SPTBN1: variants seen among roughly 807,000 people sequenced by gnomAD.
SPTBN1 encodes the protein spectrin beta, non-erythrocytic 1.
In SPTBN1, 32 loss-of-function variants were observed where a neutral mutation model predicts 266.4. That is an observed-to-expected ratio of 0.12 (90% confidence interval 0.09 to 0.16). The LOEUF is 0.16. Among genes scored for constraint, SPTBN1 ranks in the 10% least tolerant of loss-of-function variants. The pLI, the probability that SPTBN1 is intolerant of heterozygous loss-of-function variation, is 1.00. For missense variants in SPTBN1, 2,296 were observed against 3,067.1 expected (o/e 0.75, Z 5.94); for synonymous variants, 1,336 against 1,162.2 (o/e 1.15, Z -3.04).
intron 1 of SPTBN1, among the ~76,000 whole-genome samples, chr2:54,465,476 A>T (rs967509863): frequency 6.6e-6 from 1 of 152,138 alleles, no homozygotes; most frequent in Non-Finnish European, 1.5e-5. Flanking sequence ...TCAGATTTAG[A>T]TTTACTTTCA....
At chr2:54,495,948 C>G (rs1668947035) in intron 1 of SPTBN1, among the ~76,000 whole-genome samples, 1 of 151,988 alleles carries the variant, frequency 6.6e-6, no homozygotes, top group African/African-American at 2.4e-5. Context: ...GAAAAATAGC[C>G]TTGGTCTAGT....
intron 2 of SPTBN1, among the ~76,000 whole-genome samples, chr2:54,562,967 A>G (rs973327270): frequency 5.3e-5 from 8 of 152,244 alleles, no homozygotes; most frequent in East Asian, 1.9e-4. Context: ...AGTGCTTACC[A>G]TGTACCAGTC....
At chr2:54,486,222 C>T (rs1178353607) in intron 1 of SPTBN1, among the ~76,000 whole-genome samples, 1 of 151,978 alleles carries the variant, frequency 6.6e-6, no homozygotes, top group Non-Finnish European at 1.5e-5. Context: ...GGGAGGTGTA[C>T]CCAACAGCTC....
chr2:54,653,533 A>G lies in SPTBN1; in HGVS notation c.5578-76A>G, dbSNP rs1410915597. 1 of 1,569,556 alleles carries G rather than the reference A, an allele frequency of 6.4e-7. No individual in the cohort carries two copies. Among genetic ancestry groups the G allele is most frequent in the Non-Finnish European group, 8.6e-7 (1 of 1,166,018 alleles). On this transcript the variant is annotated intron_variant, in intron 26 of 35. Transcript: ENST00000356805. The surrounding 1 kb of genome is among the most constrained non-coding windows in gnomAD (Gnocchi z 5.1). The stretch of plus-strand genomic sequence containing the variant: ...TGTGCTCCCTTTAGTGTATGAGCAG[A>G]ACAGAATAGGGCTTGGGGTGATGGT...
Position 54,558,366 on chromosome 2 carries a change from C to T in SPTBN1, c.148+31800C>T, listed in dbSNP as rs1276160399. 3 of 999,590 alleles carry T rather than the reference C, an allele frequency of 3.0e-6. No individual in the cohort carries two copies. The highest frequency in any genetic ancestry group is 4.4e-5 in the South Asian group (1 of 22,834). The allele number at this position is 999,590 out of a possible 1,614,324, so 61.9% of individuals were successfully genotyped here. On this transcript the variant is annotated intron_variant, in intron 2 of 35. Transcript: ENST00000356805. This position sits in a 1 kb window ranked among gnomAD's most constrained non-coding sequence, Gnocchi z 4.6. ...AGTGGCTCCTGATAAAATTACAAACCGGCGGCCGCCGCGGGCAGCTGGGAG... is the reference window on the plus strand; with the variant it reads ...AGTGGCTCCTGATAAAATTACAAACTGGCGGCCGCCGCGGGCAGCTGGGAG...
intron 2 of SPTBN1, among the ~76,000 whole-genome samples, chr2:54,573,998 G>A (rs758618311): frequency 5.3e-5 from 8 of 152,062 alleles, no homozygotes; most frequent in East Asian, 1.9e-4. Flanking sequence ...CATGAACCCC[G>A]TATGGAAAAT....
At chr2:54,569,978 C>CCA (rs1673944247) in intron 2 of SPTBN1, among the ~76,000 whole-genome samples, 2 of 149,520 alleles carry the variant, frequency 1.3e-5, no homozygotes, top group African/African-American at 4.9e-5. Context: ...CATTCCCCCC[C>CCA]CCCTTTAGAA....
rs746230487 is a variant in SPTBN1, at chr2:54,625,927, T to G, written c.1342-5T>G. The G allele has an allele frequency of 1.9e-6, 3 of 1,611,868 alleles. No individual in the cohort carries two copies. In the East Asian group the frequency reaches 6.7e-5, roughly 36 times the overall value. ...TTTCCTTCTTTTCATTCCGTTTCTC[T>G]GTAGGACAACTTTGGGTTTGACCTT... On this transcript the variant is annotated splice_region_variant and splice_polypyrimidine_tract_variant and intron_variant, in intron 11 of 35. Transcript: ENST00000356805.
chr2:54,463,485 T>G (rs1027152202), intron 1 of SPTBN1, among the ~76,000 whole-genome samples: 1 of 152,222 alleles, frequency 6.6e-6, no homozygotes, highest in African/African-American at 2.4e-5. Flanking sequence ...GCCCCAGGCT[T>G]CAGGCTCTTT....
chr2:54,611,639 TCTTTA>T (rs1677222990), intron 3 of SPTBN1, among the ~76,000 whole-genome samples: 1 of 152,216 alleles, frequency 6.6e-6, no homozygotes, highest in African/African-American at 2.4e-5. Flanking sequence ...AAGTTATACT[TCTTTA>T]CTTAACCTTC....
intron 2 of SPTBN1, among the ~76,000 whole-genome samples, chr2:54,595,830 T>G (rs918573044): frequency 2.6e-5 from 4 of 152,208 alleles, no homozygotes; most frequent in African/African-American, 9.6e-5. Context: ...AGCAGCATCC[T>G]GGGCCTCTAC....
At position 54,524,284 on chromosome 2, in the gene SPTBN1, T is replaced by G. The variant is rs371893181; in HGVS notation, c.-47-2088T>G. Among the ~76,000 whole-genome samples the G allele has an allele frequency of 5.9e-5, 9 of 152,340 alleles. No individual in the cohort carries two copies. In the East Asian group the frequency reaches 1.5e-3, roughly 26 times the overall value. On this transcript the variant is annotated intron_variant, in intron 1 of 35. Transcript: ENST00000356805. ...GGGGTGTTGTCTTTTCACTCCTTTC[T>G]TCCTACATTTGCAGATTAACAACTT...
At chr2:54,604,315 A>C (rs933849857) in intron 3 of SPTBN1, among the ~76,000 whole-genome samples, 11 of 152,104 alleles carry the variant, frequency 7.2e-5, no homozygotes, top group African/African-American at 2.4e-4. Context: ...TTCCTCTCCT[A>C]TAAAAAAAAG....
chr2:54,541,253 A>G (rs1671918342), intron 2 of SPTBN1, among the ~76,000 whole-genome samples: 1 of 152,202 alleles, frequency 6.6e-6, no homozygotes. Context: ...TTATGCCTAG[A>G]ACTGCAGAGG....
Position 54,478,656 on chromosome 2 carries a change from A to G in SPTBN1, c.-48+22138A>G, listed in dbSNP as rs75418559. Among the ~76,000 whole-genome samples the G allele has an allele frequency of 6.5e-3, 988 of 152,308 alleles. 13 individuals carry two copies. The highest frequency in any genetic ancestry group is 0.023 in the African/African-American group (960 of 41,568). On this transcript the variant is annotated intron_variant, in intron 1 of 35. Coordinates refer to ENST00000356805, the MANE Select transcript of SPTBN1 (RefSeq NM_003128.3). ...TGTGGAAGTACTTGGTGTCCTTGCA[A>G]CTATTTCCAGTGTGCTGAACCTTGA...
chr2:54,661,495 C>T (rs1326533072), intron 32 of SPTBN1: 3 of 985,536 alleles, frequency 3.0e-6, no homozygotes, highest in Non-Finnish European at 3.6e-6. Context: ...TTTTCCTTAT[C>T]TCTATGTACA....
intron 2 of SPTBN1, among the ~76,000 whole-genome samples, chr2:54,580,522 T>C (rs183845898): frequency 5.3e-5 from 8 of 152,240 alleles, no homozygotes; most frequent in Admixed American, 3.3e-4. Flanking sequence ...ACCACTAGTA[T>C]TGCCATTAGC....
intron 31 of SPTBN1, 27 bp downstream of exon 31, chr2:54,659,293 G>C (rs146042204): frequency 9.9e-6 from 16 of 1,609,196 alleles, no homozygotes; most frequent in Non-Finnish European, 1.4e-5. Flanking sequence ...CCAGAGGCTG[G>C]ACCCTTAGCC....
At chr2:54,464,464 A>G (rs950162719) in intron 1 of SPTBN1, among the ~76,000 whole-genome samples, 1 of 152,198 alleles carries the variant, frequency 6.6e-6, no homozygotes, top group Non-Finnish European at 1.5e-5. Flanking sequence ...TGTATTAAGT[A>G]AAAGACTGGA....
Sources: allele counts gnomAD v4.1 joint callset (sites outside exome capture counted in the v4.1 genomes callset), GRCh38; gene constraint gnomAD v4.1.1; non-coding constraint Gnocchi (gnomAD v3.1); transcripts MANE v1.5; gene names NCBI Gene and HGNC (gene_info 2026-07-23, HGNC 2026-07-21).